The following EPRS1 variants were observed in gnomAD, a reference collection of about 807,000 sequenced individuals.
The protein encoded by EPRS1 is bifunctional glutamate/proline--tRNA ligase.
EPRS1 carries 107 observed loss-of-function variants against 188.3 expected under a neutral mutation model. The observed-to-expected ratio is 0.57, with a 90% CI of 0.49 to 0.67. The LOEUF (loss-of-function observed/expected upper bound fraction) is 0.67, where lower values mean the gene tolerates loss of function less well. EPRS1 is among the 30% of genes least tolerant of loss of function. The pLI, the probability that EPRS1 is intolerant of heterozygous loss-of-function variation, is 0.00. For missense variants in EPRS1, 1,577 were observed against 1,802.2 expected (o/e 0.88, Z 2.26); for synonymous variants, 596 against 593.1 (o/e 1.00, Z -0.07).
intron 5 of EPRS1, among the ~76,000 whole-genome samples, chr1:220,031,117 TA>T (rs1254405234): frequency 6.8e-6 from 1 of 147,098 alleles, no homozygotes; most frequent in East Asian, 2.0e-4. Context: ...GTATATGGGG[TA>T]TTCATTCTAA....
chr1:219,988,457 GC>G, intron 19 of EPRS1, 132 bp downstream of exon 19: 1 of 627,392 alleles, frequency 1.6e-6, no homozygotes, highest in East Asian at 2.7e-5. Context: ...TCTCTAAAAG[GC>G]AAGGTAAGAG....
At chr1:219,973,123 T>A in intron 29 of EPRS1, 115 bp downstream of exon 29, 1 of 813,064 alleles carries the variant, frequency 1.2e-6, no homozygotes, top group Non-Finnish European at 2.0e-6. Context: ...GCATGGGGGT[T>A]CAGAGGGAGG....
chr1:219,982,526 T>G, intron 23 of EPRS1: 1 of 323,184 alleles, frequency 3.1e-6, no homozygotes, highest in Non-Finnish European at 5.5e-6. Flanking sequence ...TCCTAAAAAT[T>G]TACAGCATAA....
chr1:220,001,407 C>T, intron 16 of EPRS1, 152 bp from the exon 17 acceptor site: 1 of 612,470 alleles, frequency 1.6e-6, no homozygotes, highest in East Asian at 2.8e-5. Flanking sequence ...ACTCTGTCGC[C>T]CAGGCTGGAA....
intron 14 of EPRS1, among the ~76,000 whole-genome samples, chr1:220,006,878 C>A (rs534971934): frequency 6.6e-6 from 1 of 152,210 alleles, no homozygotes; most frequent in South Asian, 2.1e-4. Context: ...CATATAAATT[C>A]TGTCTAAAAG....
At chr1:219,996,645 A>G (rs1329808574) in intron 18 of EPRS1, among the ~76,000 whole-genome samples, 2 of 152,150 alleles carry the variant, frequency 1.3e-5, no homozygotes, top group African/African-American at 4.8e-5. Context: ...CTACTTCAGG[A>G]TGATTTTAAA....
intron 27 of EPRS1, among the ~76,000 whole-genome samples, chr1:219,978,973 TC>T (rs1343446605): frequency 7.0e-6 from 1 of 143,258 alleles, no homozygotes; most frequent in Non-Finnish European, 1.5e-5. Context: ...TATTTTTTTT[TC>T]CCCCCCAGCC....
chr1:219,973,328 T>A lies in EPRS1; in HGVS notation c.4154A>T (p.Asp1385Val). The A allele has an allele frequency of 6.2e-7, 1 of 1,612,526 alleles. No homozygotes were observed. Among genetic ancestry groups the A allele is most frequent in the South Asian group, 1.1e-5 (1 of 90,964 alleles). ...KSCQFVAVRR[D>V]TGEKLTVAEN... Reference sequence around the variant, plus strand: ...AGCAACTGTCAGCTTTTCTCCAGTATCTCGTCTGACGGCTACAAACTGACA... The same window carrying A: ...AGCAACTGTCAGCTTTTCTCCAGTAACTCGTCTGACGGCTACAAACTGACA... Residue 1385 changes from aspartate to valine, a missense_variant, in exon 29 of 32, where the codon GAT (aspartate) becomes GTT (valine). By Grantham distance (152) the Asp-to-Val change is radical. This residue lies in a region of EPRS1 where 296 missense variants were observed against 327.9 expected (regional missense o/e 0.90). Transcript: ENST00000366923.
At chr1:219,986,458 T>C (rs1661007940) in intron 20 of EPRS1, among the ~76,000 whole-genome samples, 1 of 152,166 alleles carries the variant, frequency 6.6e-6, no homozygotes, top group African/African-American at 2.4e-5. Flanking sequence ...TCAAGTGCCA[T>C]ATATCAGGTT....
At chr1:219,979,720 T>TC in intron 26 of EPRS1, 105 bp from the exon 27 acceptor site, 2 of 734,978 alleles carry the variant, frequency 2.7e-6, no homozygotes, top group Non-Finnish European at 4.4e-6. Context: ...ACACTTTTTT[T>TC]CTCCCTTTTT....
At chr1:219,984,515 C>A (rs908139182) in intron 20 of EPRS1, among the ~76,000 whole-genome samples, 27 of 152,166 alleles carry the variant, frequency 1.8e-4, no homozygotes, top group Non-Finnish European at 8.8e-5. Context: ...GACTCCTCAG[C>A]TCAAGAGATT....
chr1:220,020,824 T>TTATA (rs71169429), intron 9 of EPRS1, among the ~76,000 whole-genome samples: 130 of 109,226 alleles, frequency 1.2e-3, no homozygotes, highest in Non-Finnish European at 1.6e-3. Flanking sequence ...CAATTTGAAT[T>TTATA]TATATATATA....
chr1:219,993,959 G>A (rs891282971), intron 18 of EPRS1, among the ~76,000 whole-genome samples: 4 of 152,196 alleles, frequency 2.6e-5, no homozygotes, highest in African/African-American at 9.7e-5. Context: ...GCCAGATGCA[G>A]GCTAAATGCG....
At chr1:220,022,941 G>A (rs887289254) in intron 8 of EPRS1, among the ~76,000 whole-genome samples, 1 of 152,140 alleles carries the variant, frequency 6.6e-6, no homozygotes, top group African/African-American at 2.4e-5. Flanking sequence ...CATGCCTAAG[G>A]GACAGAATGG....
intron 28 of EPRS1, among the ~76,000 whole-genome samples, chr1:219,977,181 A>G (rs1454512495): frequency 6.6e-6 from 1 of 152,224 alleles, no homozygotes; most frequent in Non-Finnish European, 1.5e-5. Context: ...TGGAATTAAA[A>G]TGGCATTAAA....
chr1:220,010,085 A>G (rs1661569402), intron 13 of EPRS1, among the ~76,000 whole-genome samples: 1 of 97,432 alleles, frequency 1.0e-5, no homozygotes, highest in Admixed American at 1.4e-4. Context: ...CACAAAGCGC[A>G]ACTGTCTCAA....
rs1662336312 is a variant in EPRS1, at chr1:220,043,389, GAA to G, written c.46+2952_46+2953del. On this transcript the variant is annotated intron_variant, in intron 1 of 31. Coordinates refer to ENST00000366923, the MANE Select transcript of EPRS1 (RefSeq NM_004446.3). ...TTTTTGCTATGATTTTTTTAAATGG[GAA>G]AAAGAGAAAGCTCTCCTCACAGAAA... Among the ~76,000 whole-genome samples, 3 of 151,960 alleles carry G rather than the reference GAA, an allele frequency of 2.0e-5. No homozygotes were observed. The South Asian group carries it at 6.2e-4, about 32-fold the overall frequency.
intron 6 of EPRS1, among the ~76,000 whole-genome samples, chr1:220,029,457 G>GA (rs1405745320): frequency 6.6e-6 from 1 of 152,282 alleles, no homozygotes; most frequent in Non-Finnish European, 1.5e-5. Context: ...AATAGTTTGT[G>GA]AAGAAGTATT....
chr1:219,991,272 T>C (rs1277675546), intron 18 of EPRS1, among the ~76,000 whole-genome samples: 1 of 147,860 alleles, frequency 6.8e-6, no homozygotes, highest in Non-Finnish European at 1.5e-5. Context: ...CCATTTGAAA[T>C]ACTAGAACCT....
Sources: gnomAD v4.1 joint callset for allele counts (sites outside exome capture counted in the v4.1 genomes callset) on GRCh38, gnomAD v4.1.1 for gene constraint, gnomAD v4.1.1 regional missense constraint, MANE v1.5 for transcripts, NCBI Gene and HGNC (gene_info 2026-07-23, HGNC 2026-07-21) for gene names.